The following RGS6 variants were observed in gnomAD, a reference collection of about 807,000 sequenced individuals.
RGS6 encodes the protein regulator of G-protein signaling 6.
In RGS6, 30 loss-of-function variants were observed where a neutral mutation model predicts 78.5. The observed-to-expected ratio is 0.38, with a 90% confidence interval of 0.29 to 0.52. The LOEUF is 0.52. Ranked by LOEUF, RGS6 falls within the 20% of genes least tolerant of loss-of-function variation. The pLI is 0.85. For missense variants in RGS6, 495 were observed against 609.7 expected (o/e 0.81, Z 1.98); for synonymous variants, 206 against 206.0 (o/e 1.00, Z 0.00).
intron 2 of RGS6, among the ~76,000 whole-genome samples, chr14:72,047,603 A>T (rs1401662557): frequency 6.6e-6 from 1 of 152,260 alleles, no homozygotes; most frequent in African/African-American, 2.4e-5. Context: ...TCACTTTCTT[A>T]TACGAGTCTG....
the RGS6 span, among the ~76,000 whole-genome samples, chr14:71,876,902 C>G: frequency 1.3e-5 from 2 of 152,062 alleles, no homozygotes; most frequent in African/African-American, 4.8e-5. Context: ...ATTTGCTTGT[C>G]TGTAAAGGAT....
At chr14:72,560,020 T>A (rs1447715457) in intron 17 of RGS6, among the ~76,000 whole-genome samples, 1 of 152,118 alleles carries the variant, frequency 6.6e-6, no homozygotes, top group African/African-American at 2.4e-5. Context: ...GCAGTGAAGG[T>A]TTGGGCAACT....
intron 3 of RGS6, among the ~76,000 whole-genome samples, chr14:72,397,741 T>C (rs2091665567): frequency 6.6e-6 from 1 of 152,232 alleles, no homozygotes; most frequent in Admixed American, 6.5e-5. Flanking sequence ...CCTAATTTAT[T>C]GAGAGTTTTT....
intron 2 of RGS6, among the ~76,000 whole-genome samples, chr14:72,176,789 A>G (rs1160112076): frequency 1.3e-5 from 2 of 152,236 alleles, no homozygotes; most frequent in Admixed American, 1.3e-4. Flanking sequence ...GTCTGTCTCC[A>G]TGAGCTTTTA....
chr14:71,921,863 C>T, the RGS6 span, among the ~76,000 whole-genome samples: 1 of 152,138 alleles, frequency 6.6e-6, no homozygotes, highest in African/African-American at 2.4e-5. Flanking sequence ...GGCCCATGGG[C>T]TTGTATCAGG....
At chr14:72,265,099 A>C (rs2058815879) in intron 2 of RGS6, among the ~76,000 whole-genome samples, 1 of 152,226 alleles carries the variant, frequency 6.6e-6, no homozygotes, top group Non-Finnish European at 1.5e-5. Flanking sequence ...AATTGTGAAA[A>C]TTCAGGATGG....
At chr14:72,097,897 T>C (rs902773314) in intron 2 of RGS6, among the ~76,000 whole-genome samples, 3 of 152,162 alleles carry the variant, frequency 2.0e-5, no homozygotes, top group Admixed American at 6.5e-5. Flanking sequence ...AAGCAACGTG[T>C]AGGATGCAGA....
At chr14:72,202,595 A>C (rs986466049) in intron 2 of RGS6, among the ~76,000 whole-genome samples, 5 of 152,094 alleles carry the variant, frequency 3.3e-5, no homozygotes, top group African/African-American at 1.2e-4. Context: ...CAGAATCATC[A>C]AGGCCACTTC....
chr14:72,553,333 G>C (rs1420636400), intron 17 of RGS6: 1 of 152,636 alleles, frequency 6.6e-6, no homozygotes, highest in Admixed American at 6.5e-5. Flanking sequence ...TTTCACCCCC[G>C]AGGTGGCTTC....
At chr14:72,466,738 G>T (rs1475455333) in intron 7 of RGS6, among the ~76,000 whole-genome samples, 1 of 152,182 alleles carries the variant, frequency 6.6e-6, no homozygotes, top group Admixed American at 6.5e-5. Flanking sequence ...GGGAATTGTT[G>T]GAAGGTGATG....
chr14:72,150,809 C>G lies in RGS6; in HGVS notation c.84+185934C>G, dbSNP rs148458926. On this transcript the variant is annotated intron_variant, in intron 2 of 17. Transcript: ENST00000553525. ...GATCCAATCACCTCCTACCAGGCCC[C>G]TCTTTCAACCTTGGGGATTACAATT... is the stretch of plus-strand genomic sequence containing the variant. 5.2e-3 allele frequency among the ~76,000 whole-genome samples: 791 copies of G among 152,294 alleles called. 8 individuals are homozygous for G. Among genetic ancestry groups the G allele is most frequent in the African/African-American group, 0.018 (752 of 41,558 alleles).
intron 2 of RGS6, among the ~76,000 whole-genome samples, chr14:72,112,885 A>G (rs2095799934): frequency 6.6e-6 from 1 of 152,170 alleles, no homozygotes. Context: ...GTTACCTTGA[A>G]TATAAGAAAC....
At chr14:72,194,186 A>G (rs2039444831) in intron 2 of RGS6, among the ~76,000 whole-genome samples, 1 of 152,054 alleles carries the variant, frequency 6.6e-6, no homozygotes, top group Admixed American at 6.6e-5. Flanking sequence ...TTCATTCACC[A>G]TTGTTGCTGT....
chr14:72,068,137 A>T (rs867848170), intron 2 of RGS6, among the ~76,000 whole-genome samples: 13 of 145,568 alleles, frequency 8.9e-5, no homozygotes, highest in South Asian at 2.2e-4. Flanking sequence ...GTATGTATGT[A>T]TTTTTTTTTT....
intron 2 of RGS6, among the ~76,000 whole-genome samples, chr14:72,314,870 T>A (rs1410894685): frequency 6.6e-6 from 1 of 152,174 alleles, no homozygotes; most frequent in Non-Finnish European, 1.5e-5. Flanking sequence ...TATAGAAAAT[T>A]TATTCCTCAC....
chr14:72,227,354 A>G (rs2048366026), intron 2 of RGS6, among the ~76,000 whole-genome samples: 2 of 152,178 alleles, frequency 1.3e-5, no homozygotes, highest in South Asian at 2.1e-4. Context: ...GGCTCCAGCA[A>G]TCCTCTCCCC....
chr14:71,965,931 G>A (rs1194726641), intron 2 of RGS6, among the ~76,000 whole-genome samples: 1 of 152,194 alleles, frequency 6.6e-6, no homozygotes, highest in Non-Finnish European at 1.5e-5. Flanking sequence ...GGTCAAAGAT[G>A]ACGGGGTTTT....
intron 2 of RGS6, among the ~76,000 whole-genome samples, chr14:72,028,054 A>G (rs2090208912): frequency 6.6e-6 from 1 of 152,182 alleles, no homozygotes; most frequent in Non-Finnish European, 1.5e-5. Context: ...CCTTGCTGAC[A>G]CTGATATTGG....
At chr14:71,925,880 C>A in the RGS6 span, among the ~76,000 whole-genome samples, 1 of 151,818 alleles carries the variant, frequency 6.6e-6, no homozygotes, top group South Asian at 2.1e-4. Flanking sequence ...GATGATCTAT[C>A]AAAAATAAAT....
Sources: allele counts gnomAD v4.1 joint callset (sites outside exome capture counted in the v4.1 genomes callset), GRCh38; gene constraint gnomAD v4.1.1; transcripts MANE v1.5; gene names NCBI Gene and HGNC (gene_info 2026-07-23, HGNC 2026-07-21).